Variants in KIAA1328 observed in about 807,000 individuals in gnomAD.
The protein encoded by KIAA1328 is protein hinderin.
KIAA1328 carries 52 observed loss-of-function variants against 68.1 expected under a neutral mutation model. The observed-to-expected ratio is 0.76, with a 90% CI of 0.61 to 0.96. The LOEUF is 0.96. KIAA1328 is among the 40% of genes least tolerant of loss of function. The probability of loss-of-function intolerance (pLI) is 0.00; values close to 1 mark genes in which losing one functional copy is unlikely to be tolerated. For synonymous variants in KIAA1328, 232 were observed against 239.4 expected, an observed-to-expected ratio of 0.97 and a Z score of 0.28; for missense variants, 641 against 677.6, an observed-to-expected ratio of 0.95 and a Z score of 0.60.
intron 6 of KIAA1328, among the ~76,000 whole-genome samples, chr18:37,052,153 A>G (rs1383144522): frequency 6.6e-6 from 1 of 152,186 alleles, no homozygotes; most frequent in African/African-American, 2.4e-5. Context: ...ATTTATCACA[A>G]TCAAGTGGAT....
chr18:36,922,086 C>A (rs1251980754), intron 5 of KIAA1328, among the ~76,000 whole-genome samples: 1 of 151,842 alleles, frequency 6.6e-6, no homozygotes, highest in Non-Finnish European at 1.5e-5. Context: ...ACAAAGACAA[C>A]CTATATGTAG....
chr18:37,021,449 C>A (rs889011775), intron 6 of KIAA1328, among the ~76,000 whole-genome samples: 1 of 152,056 alleles, frequency 6.6e-6, no homozygotes, highest in Admixed American at 6.5e-5. Flanking sequence ...TATAATGAAA[C>A]CTATTGTATG....
chr18:37,003,337 G>C (rs753147612), intron 6 of KIAA1328, among the ~76,000 whole-genome samples: 1 of 151,650 alleles, frequency 6.6e-6, no homozygotes, highest in African/African-American at 2.4e-5. Context: ...AAAAATGGGC[G>C]AATAGGACTT....
At chr18:36,999,512 T>C (rs1181521330) in intron 6 of KIAA1328, among the ~76,000 whole-genome samples, 1 of 152,114 alleles carries the variant, frequency 6.6e-6, no homozygotes, top group Non-Finnish European at 1.5e-5. Flanking sequence ...ATCCTAAAAA[T>C]AGCAAGTGAA....
chr18:37,133,700 T>C (rs1453421446), intron 7 of KIAA1328, among the ~76,000 whole-genome samples: 2 of 151,698 alleles, frequency 1.3e-5, no homozygotes, highest in African/African-American at 4.8e-5. Flanking sequence ...TAATTTTTTG[T>C]ATTTTTAGTA....
chr18:37,106,898 C>G (rs984073843), intron 7 of KIAA1328, among the ~76,000 whole-genome samples: 9 of 152,152 alleles, frequency 5.9e-5, no homozygotes, highest in African/African-American at 2.2e-4. Flanking sequence ...CTTTTCTCCT[C>G]AAGATTTTCC....
At chr18:36,841,795 TC>T (rs2046867559) in intron 3 of KIAA1328, among the ~76,000 whole-genome samples, 1 of 152,238 alleles carries the variant, frequency 6.6e-6, no homozygotes, top group South Asian at 2.1e-4. Flanking sequence ...CCAAGCCCTG[TC>T]CTACAGTGTA....
At chr18:36,931,307 A>G (rs2050301166) in intron 5 of KIAA1328, among the ~76,000 whole-genome samples, 1 of 152,092 alleles carries the variant, frequency 6.6e-6, no homozygotes, top group Non-Finnish European at 1.5e-5. Context: ...AGCGAGCATT[A>G]CTGCATGAGC....
In KIAA1328 at chr18:36,935,225, A is replaced by C. The variant is rs77085951; in HGVS notation, c.449-24083A>C. The stretch of plus-strand genomic sequence containing the variant: ...CAGTGGTAGACTTGAATGGTTGGTT[A>C]CAGAAGGTGATGGCCTACTAAATCT... On this transcript the variant is annotated intron_variant, in intron 5 of 9. Coordinates refer to ENST00000280020, the MANE Select transcript of KIAA1328 (RefSeq NM_020776.3). Among the ~76,000 whole-genome samples the C allele has an allele frequency of 1.9e-4, 29 of 152,364 alleles. No homozygotes were observed. The East Asian group carries it at 5.4e-3, about 28-fold the overall frequency.
At chr18:37,203,137 CAA>C (rs2060145906) in intron 9 of KIAA1328, among the ~76,000 whole-genome samples, 1 of 150,686 alleles carries the variant, frequency 6.6e-6, no homozygotes, top group Non-Finnish European at 1.5e-5. Flanking sequence ...AAATCATATT[CAA>C]AAGAGAAAAC....
chr18:37,035,873 T>A (rs983302545), intron 6 of KIAA1328, among the ~76,000 whole-genome samples: 1 of 152,190 alleles, frequency 6.6e-6, no homozygotes, highest in African/African-American at 2.4e-5. Flanking sequence ...CAATACAACT[T>A]CTTCTGACTT....
chr18:37,158,183 C>T (rs1257056384), intron 7 of KIAA1328, among the ~76,000 whole-genome samples: 3 of 152,086 alleles, frequency 2.0e-5, no homozygotes, highest in African/African-American at 4.8e-5. Flanking sequence ...TAGGCACATG[C>T]CACCATGCCT....
chr18:36,917,513 T>G (rs2049754683), intron 5 of KIAA1328, among the ~76,000 whole-genome samples: 1 of 152,204 alleles, frequency 6.6e-6, no homozygotes, highest in Non-Finnish European at 1.5e-5. Context: ...CAAACCACAG[T>G]GTCAGGCCTC....
chr18:37,034,692 GAA>G (rs1166873874), intron 6 of KIAA1328, among the ~76,000 whole-genome samples: 1 of 152,076 alleles, frequency 6.6e-6, no homozygotes, highest in Non-Finnish European at 1.5e-5. Flanking sequence ...AAATAATAAA[GAA>G]ATATGAAATA....
At chr18:37,050,417 C>T (rs1473581257) in intron 6 of KIAA1328, among the ~76,000 whole-genome samples, 1 of 152,066 alleles carries the variant, frequency 6.6e-6, no homozygotes, top group African/African-American at 2.4e-5. Flanking sequence ...GTCTCATTTT[C>T]TCTTTAAAAT....
chr18:37,177,846 C>T (rs1391507910), intron 9 of KIAA1328, among the ~76,000 whole-genome samples: 1 of 151,944 alleles, frequency 6.6e-6, no homozygotes, highest in Non-Finnish European at 1.5e-5. Context: ...TTAATTGACA[C>T]ATCATAATTA....
intron 4 of KIAA1328, among the ~76,000 whole-genome samples, chr18:36,855,276 A>G (rs1461353668): frequency 1.1e-4 from 17 of 152,178 alleles, no homozygotes; most frequent in Admixed American, 1.1e-3. Flanking sequence ...TCTACCATCA[A>G]TGTACAAGGA....
intron 9 of KIAA1328, among the ~76,000 whole-genome samples, chr18:37,197,326 C>T (rs1337221224): frequency 4.0e-5 from 6 of 151,688 alleles, no homozygotes; most frequent in Admixed American, 6.6e-5. Context: ...TATTTCTGCT[C>T]GGACCTTATT....
At chr18:36,948,636 A>G (rs1055556016) in intron 5 of KIAA1328, among the ~76,000 whole-genome samples, 3 of 142,478 alleles carry the variant, frequency 2.1e-5, no homozygotes, top group South Asian at 2.2e-4. Flanking sequence ...CGCAACCTCT[A>G]CCTCCTGGGT....
Sources: allele counts gnomAD v4.1 joint callset (sites outside exome capture counted in the v4.1 genomes callset), GRCh38; gene constraint gnomAD v4.1.1; transcripts MANE v1.5; gene names NCBI Gene and HGNC (gene_info 2026-07-23, HGNC 2026-07-21).